MDGA2: variants seen among roughly 807,000 people sequenced by gnomAD.
The protein encoded by MDGA2 is MAM domain containing glycosylphosphatidylinositol anchor 2, also known as MAM domain-containing glycosylphosphatidylinositol anchor protein 2.
MDGA2 carries 40 observed loss-of-function variants against 117.8 expected under a neutral mutation model. The observed-to-expected ratio is 0.34, with a 90% CI of 0.26 to 0.44. The LOEUF is 0.44. MDGA2 is among the 20% of genes least tolerant of loss of function. The pLI is 1.00. For missense variants in MDGA2, 1,123 were observed against 1,250.6 expected (o/e 0.90, Z 1.54); for synonymous variants, 452 against 439.0 (o/e 1.03, Z -0.37).
intron 1 of MDGA2, among the ~76,000 whole-genome samples, chr14:47,335,745 T>TATATATATATATACATAC: frequency 4.2e-5 from 4 of 95,558 alleles, no homozygotes; most frequent in African/African-American, 1.7e-4. Context: ...TATATATATA[T>TATATATATATATACATAC]ATACATACAT....
intron 8 of MDGA2, among the ~76,000 whole-genome samples, chr14:46,981,897 A>G (rs1886685471): frequency 6.6e-6 from 1 of 152,210 alleles, no homozygotes; most frequent in African/African-American, 2.4e-5. Flanking sequence ...GAGGTGAATG[A>G]TTCTACAAAC....
At chr14:47,674,419 G>T in intron 1 of MDGA2, 98 bp downstream of exon 1, 1 of 1,046,792 alleles carries the variant, frequency 9.6e-7, no homozygotes, top group South Asian at 1.5e-5. Context: ...ATGCCACGCC[G>T]GGAGGGGCCC....
Position 47,119,183 on chromosome 14 carries a change from C to CACG in MDGA2, c.925+12530_925+12531insCGT, listed in dbSNP as rs1286574019. On this transcript the variant is annotated intron_variant, in intron 5 of 16. Transcript: ENST00000399232. The stretch of plus-strand genomic sequence containing the variant: ...CTCCTGCCTCAGCCCCGCCCCCCCC[C>CACG]CCCCACCCCGTAGCTGGGACTACAG... Among the ~76,000 whole-genome samples the CACG allele has an allele frequency of 3.7e-5, 2 of 53,566 alleles. 1 individual carries two copies. Among genetic ancestry groups the CACG allele is most frequent in the African/African-American group, 9.8e-5 (2 of 20,344 alleles). 35.1% of individuals were successfully genotyped at this position (53,566 alleles called of 152,430 possible).
chr14:47,078,398 C>G (rs1345745057), intron 6 of MDGA2, among the ~76,000 whole-genome samples: 1 of 152,092 alleles, frequency 6.6e-6, no homozygotes, highest in Non-Finnish European at 1.5e-5. Flanking sequence ...CAGTTAAGTA[C>G]AGAACCATAT....
chr14:46,982,063 C>T (rs2138385677), intron 8 of MDGA2, among the ~76,000 whole-genome samples: 2 of 152,282 alleles, frequency 1.3e-5, no homozygotes, highest in Middle Eastern at 6.8e-3. Context: ...ATTTGAGCAT[C>T]ACCTAAATAT....
intron 1 of MDGA2, among the ~76,000 whole-genome samples, chr14:47,415,975 T>C (rs1375926078): frequency 2.0e-5 from 3 of 152,200 alleles, no homozygotes; most frequent in Non-Finnish European, 1.5e-5. Context: ...TTTCGAGGTA[T>C]GAATTTTGGG....
intron 1 of MDGA2, among the ~76,000 whole-genome samples, chr14:47,354,832 T>A (rs10150578): frequency 6.6e-6 from 1 of 151,848 alleles, no homozygotes; most frequent in Non-Finnish European, 1.5e-5. Flanking sequence ...TAACAAACAG[T>A]GAAATTAACT....
At chr14:46,952,241 GAA>G (rs113242714) in intron 9 of MDGA2, among the ~76,000 whole-genome samples, 4 of 150,398 alleles carry the variant, frequency 2.7e-5, no homozygotes, top group Admixed American at 2.7e-4. Flanking sequence ...AATCCAAGCA[GAA>G]AAAAAAAGTG....
rs3038618 is a variant in MDGA2 at position 46,937,295 on chromosome 14, T to TA, written c.2090-17136dup. On this transcript the variant is annotated intron_variant, in intron 9 of 16. Coordinates refer to ENST00000399232, the MANE Select transcript of MDGA2 (RefSeq NM_001113498.3). Reference sequence around the variant, plus strand: ...ATAAGGAAAACTATAAAATACTGGTTAAAAAAAATTGAGGAAGACACCAAG... The same window carrying TA: ...ATAAGGAAAACTATAAAATACTGGTTAAAAAAAAATTGAGGAAGACACCAAG... Among the ~76,000 whole-genome samples, 187 of 148,424 alleles carry TA rather than the reference T, an allele frequency of 1.3e-3. 1 individual carries two copies. The highest frequency in any genetic ancestry group is 4.3e-3 in the African/African-American group (171 of 40,112).
intron 6 of MDGA2, among the ~76,000 whole-genome samples, chr14:47,070,671 T>C (rs1443397578): frequency 6.6e-6 from 1 of 152,220 alleles, no homozygotes; most frequent in Admixed American, 6.5e-5. Flanking sequence ...AGTGGTGTGA[T>C]CTTGGCTCAC....
intron 9 of MDGA2, among the ~76,000 whole-genome samples, chr14:46,925,592 A>G (rs763179489): frequency 3.3e-5 from 5 of 150,236 alleles, no homozygotes; most frequent in African/African-American, 1.2e-4. Context: ...AGATTGCCCA[A>G]CTACACTCCA....
intron 8 of MDGA2, among the ~76,000 whole-genome samples, chr14:46,965,772 T>TA (rs1401154897): frequency 2.0e-5 from 3 of 152,012 alleles, no homozygotes; most frequent in Admixed American, 2.0e-4. Flanking sequence ...CTTCAGGTGT[T>TA]AAAAAAAAGT....
At chr14:47,241,367 G>A (rs1566697869) in intron 2 of MDGA2, among the ~76,000 whole-genome samples, 1 of 151,718 alleles carries the variant, frequency 6.6e-6, no homozygotes, top group African/African-American at 2.4e-5. Flanking sequence ...TATTGCCTCA[G>A]GCTATTTTCA....
chr14:46,904,911 G>C (rs923347493), intron 10 of MDGA2, among the ~76,000 whole-genome samples: 1 of 152,112 alleles, frequency 6.6e-6, no homozygotes, highest in African/African-American at 2.4e-5. Context: ...GCTACCTCCA[G>C]TTTCTGAAGT....
intron 1 of MDGA2, among the ~76,000 whole-genome samples, chr14:47,463,390 G>A (rs960248762): frequency 1.3e-5 from 2 of 151,898 alleles, no homozygotes; most frequent in Non-Finnish European, 2.9e-5. Flanking sequence ...AGAATGAGGG[G>A]TCACAGACAT....
chr14:47,627,407 G>C (rs1435169140), intron 1 of MDGA2, among the ~76,000 whole-genome samples: 1 of 151,820 alleles, frequency 6.6e-6, no homozygotes, highest in Admixed American at 6.6e-5. Context: ...GTCCAGCTAA[G>C]GGATTGTGAA....
intron 11 of MDGA2, among the ~76,000 whole-genome samples, chr14:46,878,861 G>A (rs1595015464): frequency 1.3e-5 from 2 of 152,116 alleles, no homozygotes; most frequent in East Asian, 1.9e-4. Flanking sequence ...TATGTTGTAT[G>A]TACATGTAAA....
chr14:47,667,563 A>G (rs149134160), intron 1 of MDGA2, among the ~76,000 whole-genome samples: 3 of 152,306 alleles, frequency 2.0e-5, no homozygotes, highest in African/African-American at 7.2e-5. Context: ...GATGCACTAC[A>G]ACAAAGTTCT....
intron 8 of MDGA2, among the ~76,000 whole-genome samples, chr14:47,010,938 T>C (rs1261368365): frequency 2.0e-5 from 3 of 152,114 alleles, no homozygotes; most frequent in Middle Eastern, 3.2e-3. Context: ...TTAGATCAGA[T>C]TTATTTTCCA....
Sources: allele counts gnomAD v4.1 joint callset (sites outside exome capture counted in the v4.1 genomes callset), GRCh38; gene constraint gnomAD v4.1.1; transcripts MANE v1.5; gene names NCBI Gene and HGNC (gene_info 2026-07-23, HGNC 2026-07-21).